Variants in AKR1C3 observed in about 807,000 individuals in gnomAD.
AKR1C3 encodes 3-alpha hydroxysteroid dehydrogenase, type II.
Under a neutral mutation model 43.6 loss-of-function variants are expected in AKR1C3, and 48 were observed. The observed-to-expected ratio is 1.10, with a 90% confidence interval of 0.87 to 1.40. The LOEUF (loss-of-function observed/expected upper bound fraction) is 1.40. Among genes scored for constraint, AKR1C3 ranks in the 40% most tolerant of loss-of-function variants. The pLI is 0.00. For synonymous variants in AKR1C3, 162 were observed against 139.6 expected (o/e 1.16, Z -1.13); for missense variants, 482 against 391.2 (o/e 1.23, Z -1.96).
At chr10:5,102,043 C>T (rs35047456) in intron 5 of AKR1C3, 58 bp from the exon 6 acceptor site, 2 of 1,093,866 alleles carry the variant, frequency 1.8e-6, no homozygotes, top group Non-Finnish European at 2.8e-6. Context: ...TTCATCTTTT[C>T]AATATTAACA....
At chr10:5,099,025 A>AAAACACAAAAGGAATGTTT in intron 4 of AKR1C3, 146 bp downstream of exon 4, 1 of 855,536 alleles carries the variant, frequency 1.2e-6, no homozygotes, top group Non-Finnish European at 1.8e-6. Context: ...GATGAAGGGA[A>AAAACACAAAAGGAATGTTT]AAACACAAAA....
chr10:5,106,179 C>T (rs183413773), intron 8 of AKR1C3, among the ~76,000 whole-genome samples: 7 of 152,202 alleles, frequency 4.6e-5, no homozygotes, highest in African/African-American at 1.7e-4. Flanking sequence ...AAATGTTTTT[C>T]CTCCTTCTCC....
In AKR1C3 at chr10:5,077,879, C is replaced by T. The variant is rs1564361291; in HGVS notation, c.85-18531C>T. The stretch of plus-strand genomic sequence containing the variant: ...AGTTATTTCTAAACAGAACTAAGAT[C>T]AGAATTCTTTGAATCATCAGAATCA... On this transcript the variant is annotated intron_variant, in intron 1 of 8. Coordinates refer to the AKR1C3 transcript ENST00000439082. 4 of 593,098 alleles carry T rather than the reference C, an allele frequency of 6.7e-6. No homozygotes were observed. The Admixed American group carries it at 1.0e-4, about 15-fold the overall frequency. 36.7% of individuals were successfully genotyped at this position (593,098 alleles called of 1,614,324 possible). A position where few individuals can be genotyped will look rare whatever the true frequency, so the allele number is the denominator to read the frequency against.
intron 1 of AKR1C3, among the ~76,000 whole-genome samples, chr10:5,087,480 C>G (rs1427829082): frequency 1.3e-5 from 2 of 150,306 alleles, no homozygotes; most frequent in African/African-American, 4.9e-5. Flanking sequence ...TCAAGCGATT[C>G]TTCTGCCTCA....
At chr10:5,054,249 C>T (rs1265072034) in intron 1 of AKR1C3, among the ~76,000 whole-genome samples, 1 of 152,160 alleles carries the variant, frequency 6.6e-6, no homozygotes, top group Non-Finnish European at 1.5e-5. Flanking sequence ...GAATAGATTT[C>T]GTTATTTCTT....
At chr10:5,058,677 C>T (rs116432855) in intron 1 of AKR1C3, among the ~76,000 whole-genome samples, 5,404 of 152,256 alleles carry the variant, frequency 0.035, 123 homozygotes, top group Middle Eastern at 0.061. Context: ...GTCCGTGGAC[C>T]CTGCTGGTTG....
At chr10:5,073,147 A>G (rs1479369169) in intron 1 of AKR1C3, among the ~76,000 whole-genome samples, 1 of 152,036 alleles carries the variant, frequency 6.6e-6, no homozygotes, top group Non-Finnish European at 1.5e-5. Flanking sequence ...TATTCTTAGT[A>G]GAGATGTGAT....
chr10:5,053,832 T>C (rs1838206854), intron 1 of AKR1C3, among the ~76,000 whole-genome samples: 1 of 152,220 alleles, frequency 6.6e-6, no homozygotes. Context: ...CCAGGGGTCC[T>C]TGGTAGAAGT....
rs575983387 is a variant in AKR1C3, at chr10:5,055,017, C to T, written c.84+6122C>T. Among the ~76,000 whole-genome samples, 340 of 152,338 alleles carry T rather than the reference C, an allele frequency of 2.2e-3. 3 individuals are homozygous for T. Among genetic ancestry groups the T allele is most frequent in the African/African-American group, 7.7e-3 (322 of 41,574 alleles). On this transcript the variant is annotated intron_variant, in intron 1 of 8. Coordinates refer to the AKR1C3 transcript ENST00000439082. The stretch of plus-strand genomic sequence containing the variant: ...TTCTTTCCACATTGCAGCATGGGCA[C>T]GCAGGATTAGATAAGCATACTTGCT...
chr10:5,094,322 C>A, upstream of AKR1C3: 4 of 1,088,636 alleles, frequency 3.7e-6, no homozygotes, highest in Non-Finnish European at 5.3e-6. Flanking sequence ...CCTCCTCCTA[C>A]ATGCCATTGG....
At chr10:5,075,147 A>G (rs1483589227) in intron 1 of AKR1C3, among the ~76,000 whole-genome samples, 1 of 152,042 alleles carries the variant, frequency 6.6e-6, no homozygotes, top group Non-Finnish European at 1.5e-5. Flanking sequence ...TCTCCCTCCC[A>G]TAACCCATGT....
intron 5 of AKR1C3, among the ~76,000 whole-genome samples, chr10:5,100,450 T>C (rs1839319103): frequency 6.6e-6 from 1 of 152,204 alleles, no homozygotes. Flanking sequence ...ATCAGTTGTT[T>C]AAACACATCT....
exon 1 of AKR1C3, chr10:5,048,882 A>C: frequency 1.2e-6 from 2 of 1,613,530 alleles, no homozygotes. Context: ...TTTGGCACCT[A>C]TGCACCTCCA....
At chr10:5,101,615 TA>T (rs1250041215) in intron 5 of AKR1C3, among the ~76,000 whole-genome samples, 1 of 152,220 alleles carries the variant, frequency 6.6e-6, no homozygotes, top group Non-Finnish European at 1.5e-5. Flanking sequence ...GATTTTTAAT[TA>T]ATTTTATTAA....
chr10:5,052,861 C>T (rs1028817563), intron 1 of AKR1C3, among the ~76,000 whole-genome samples: 1 of 151,462 alleles, frequency 6.6e-6, no homozygotes, highest in African/African-American at 2.4e-5. Context: ...TGTTTACAAA[C>T]CTTGAGCTAG....
chr10:5,062,814 A>G (rs1434223998), intron 1 of AKR1C3, among the ~76,000 whole-genome samples: 2 of 150,844 alleles, frequency 1.3e-5, no homozygotes, highest in Non-Finnish European at 2.9e-5. Flanking sequence ...TATTCCAGCC[A>G]GTTCATTACT....
At chr10:5,105,367 C>G (rs375576973) in intron 7 of AKR1C3, 1 of 345,340 alleles carries the variant, frequency 2.9e-6, no homozygotes, top group Non-Finnish European at 5.3e-6. Context: ...TTGAAATTTT[C>G]TCTTTGTCTG....
chr10:5,077,977 G>T, intron 1 of AKR1C3: 1 of 683,666 alleles, frequency 1.5e-6, no homozygotes, highest in Admixed American at 2.2e-5. Context: ...AAATATCACA[G>T]GTAAGAATCC....
At chr10:5,062,049 TTC>T (rs1838393728) in intron 1 of AKR1C3, among the ~76,000 whole-genome samples, 1 of 152,218 alleles carries the variant, frequency 6.6e-6, no homozygotes, top group South Asian at 2.1e-4. Flanking sequence ...ATGTAATTCT[TTC>T]ACATAGTTTT....
Sources: gnomAD v4.1 joint callset for allele counts (sites outside exome capture counted in the v4.1 genomes callset) on GRCh38, gnomAD v4.1.1 for gene constraint, MANE v1.5 for transcripts, NCBI Gene and HGNC (gene_info 2026-07-23, HGNC 2026-07-21) for gene names.